IQCM: variants seen among roughly 807,000 people sequenced by gnomAD.
The protein encoded by IQCM is IQ motif containing M, also known as IQ domain-containing protein M.
IQCM carries 45 observed loss-of-function variants against 57.6 expected under a neutral mutation model. That is an observed-to-expected ratio of 0.78 (90% CI 0.62 to 1.00). The LOEUF (loss-of-function observed/expected upper bound fraction) is 1.00. IQCM is among the 50% of genes least tolerant of loss of function. The pLI is 0.00. For missense variants in IQCM, 468 were observed against 511.6 expected (o/e 0.91, Z 0.82); for synonymous variants, 148 against 158.9 (o/e 0.93, Z 0.51).
At chr4:149,415,589 T>G (rs1475462842) in intron 13 of IQCM, among the ~76,000 whole-genome samples, 1 of 152,096 alleles carries the variant, frequency 6.6e-6, no homozygotes, top group Non-Finnish European at 1.5e-5. Context: ...CAGAGTATTT[T>G]TCTAAATTTT....
intron 2 of IQCM, among the ~76,000 whole-genome samples, chr4:149,799,511 A>C (rs1045745449): frequency 2.0e-5 from 3 of 151,878 alleles, no homozygotes; most frequent in African/African-American, 7.2e-5. Context: ...TTAAATTCTA[A>C]TGAACAAAAC....
intron 2 of IQCM, among the ~76,000 whole-genome samples, chr4:149,794,414 A>G (rs1772923669): frequency 6.6e-6 from 1 of 152,236 alleles, no homozygotes; most frequent in Non-Finnish European, 1.5e-5. Context: ...ATTCAAGCCT[A>G]TTTACCACTG....
chr4:149,612,377 C>T lies in IQCM; in HGVS notation c.681+8752G>A, dbSNP rs577521833. 4.6e-5 allele frequency among the ~76,000 whole-genome samples: 7 copies of T among 152,258 alleles called. No homozygotes were observed. In the South Asian group the frequency reaches 1.2e-3, roughly 27 times the overall value. On this transcript the variant is annotated intron_variant, in intron 8 of 13. Transcript: ENST00000636793. ...TATGTATGTCCAAAAATAACCTGAGCTTCATTTTATTTTTCCACCCATTTT... is the reference window on the plus strand; with the variant it reads ...TATGTATGTCCAAAAATAACCTGAGTTTCATTTTATTTTTCCACCCATTTT...
At chr4:149,484,430 T>C (rs911776880) in intron 12 of IQCM, among the ~76,000 whole-genome samples, 8 of 152,006 alleles carry the variant, frequency 5.3e-5, no homozygotes, top group African/African-American at 1.7e-4. Flanking sequence ...TCACCGGTGG[T>C]ATTATTTCTT....
intron 13 of IQCM, among the ~76,000 whole-genome samples, chr4:149,426,839 AACACCTGAT>A (rs1734494670): frequency 6.6e-6 from 1 of 151,902 alleles, no homozygotes; most frequent in African/African-American, 2.4e-5. Context: ...TTCTATTGGT[AACACCTGAT>A]ACACTATGAA....
At chr4:149,464,950 T>A (rs1738689442) in intron 12 of IQCM, among the ~76,000 whole-genome samples, 1 of 152,174 alleles carries the variant, frequency 6.6e-6, no homozygotes, top group African/African-American at 2.4e-5. Context: ...ATAGGAATAG[T>A]TATGAAGTCT....
intron 2 of IQCM, among the ~76,000 whole-genome samples, chr4:149,802,943 G>A (rs1773737919): frequency 6.6e-6 from 1 of 151,876 alleles, no homozygotes; most frequent in Non-Finnish European, 1.5e-5. Flanking sequence ...TGGAGGTCAG[G>A]AACAATCCTA....
intron 10 of IQCM, among the ~76,000 whole-genome samples, chr4:149,554,951 G>A (rs1476217561): frequency 6.6e-6 from 1 of 151,918 alleles, no homozygotes; most frequent in African/African-American, 2.4e-5. Flanking sequence ...CGCCTGCCTC[G>A]GCCTCCCAAA....
intron 2 of IQCM, among the ~76,000 whole-genome samples, chr4:149,781,850 G>T (rs1381041964): frequency 6.6e-6 from 1 of 152,148 alleles, no homozygotes; most frequent in Non-Finnish European, 1.5e-5. Flanking sequence ...AAAAGGTCAT[G>T]AAAAACCTCC....
intron 13 of IQCM, among the ~76,000 whole-genome samples, chr4:149,426,093 T>C (rs113920847): frequency 0.017 from 2,510 of 152,100 alleles, 78 homozygotes; most frequent in African/African-American, 0.058. Context: ...TCTACAGCCA[T>C]GGTAACAAGT....
rs554852629 is a variant in IQCM at position 149,736,362 on chromosome 4, T to C, written c.38-904A>G. Among the ~76,000 whole-genome samples, 6 of 152,316 alleles carry C rather than the reference T, an allele frequency of 3.9e-5. No homozygotes were observed. In the South Asian group the frequency reaches 1.2e-3, roughly 32 times the overall value. The stretch of plus-strand genomic sequence containing the variant: ...TCCTCTTTACATATTTTCTTTATTA[T>C]TAGCTGATTGTGTGCTTGCTTCAGC... On this transcript the variant is annotated intron_variant, in intron 3 of 13. Coordinates refer to ENST00000636793, the MANE Select transcript of IQCM (RefSeq NM_001363507.2).
chr4:149,547,037 AT>A (rs1246687406), intron 12 of IQCM, among the ~76,000 whole-genome samples: 1 of 152,166 alleles, frequency 6.6e-6, no homozygotes, highest in Non-Finnish European at 1.5e-5. Flanking sequence ...CTTTCTACAT[AT>A]GGCTAGCCAG....
chr4:149,622,475 TG>T (rs1177518963), intron 7 of IQCM, among the ~76,000 whole-genome samples: 2 of 152,082 alleles, frequency 1.3e-5, no homozygotes, highest in Non-Finnish European at 2.9e-5. Flanking sequence ...CCTGAGTAGC[TG>T]GGACTACAGG....
At chr4:149,598,089 T>C (rs1382798597) in intron 8 of IQCM, among the ~76,000 whole-genome samples, 4 of 152,154 alleles carry the variant, frequency 2.6e-5, no homozygotes, top group Admixed American at 2.0e-4. Flanking sequence ...AAATACATTA[T>C]CAATTGAAGT....
At chr4:149,539,464 T>C (rs1747634533) in intron 12 of IQCM, among the ~76,000 whole-genome samples, 2 of 152,176 alleles carry the variant, frequency 1.3e-5, no homozygotes, top group African/African-American at 2.4e-5. Flanking sequence ...TAATCTAACA[T>C]GCTTATGGTT....
chr4:149,428,638 T>C lies in IQCM; in HGVS notation c.1390+4758A>G, dbSNP rs192411906. Among the ~76,000 whole-genome samples, 19 of 151,976 alleles carry C rather than the reference T, an allele frequency of 1.3e-4. No individual in the cohort carries two copies. The East Asian group carries it at 3.5e-3, about 28-fold the overall frequency. ...AATATCACCAAAAATCAGCCTTGAC[T>C]GTCAAGGATGATTATCTAAATTGCT... is the stretch of plus-strand genomic sequence containing the variant. On this transcript the variant is annotated intron_variant, in intron 13 of 13. Coordinates refer to ENST00000636793, the MANE Select transcript of IQCM (RefSeq NM_001363507.2).
At chr4:149,443,718 GGAAA>G (rs1560845206) in intron 12 of IQCM, among the ~76,000 whole-genome samples, 2 of 148,770 alleles carry the variant, frequency 1.3e-5, no homozygotes, top group African/African-American at 5.0e-5. Context: ...GGAAAGGAAA[GGAAA>G]GGAAAGGAAA....
At chr4:149,810,362 CAAAAA>C (rs748565416) in intron 2 of IQCM, among the ~76,000 whole-genome samples, 1 of 86,230 alleles carries the variant, frequency 1.2e-5, no homozygotes, top group Admixed American at 1.1e-4. Context: ...ACACCATCTC[CAAAAA>C]AAAAAAAAAA....
chr4:149,369,598 T>C (rs188967603), intron 13 of IQCM, among the ~76,000 whole-genome samples: 33 of 152,286 alleles, frequency 2.2e-4, no homozygotes, highest in Non-Finnish European at 3.5e-4. Flanking sequence ...AGTGCTTAAT[T>C]ATTCACTTTA....
Sources: gnomAD v4.1 joint callset for allele counts (sites outside exome capture counted in the v4.1 genomes callset) on GRCh38, gnomAD v4.1.1 for gene constraint, MANE v1.5 for transcripts, NCBI Gene and HGNC (gene_info 2026-07-23, HGNC 2026-07-21) for gene names.